Variants in KIF26A observed in about 807,000 individuals in gnomAD.
KIF26A encodes kinesin family member 26A.
A neutral mutation model predicts 126.0 loss-of-function variants in KIF26A; 74 were observed. The observed-to-expected ratio is 0.59, with a 90% CI of 0.49 to 0.71. The LOEUF is 0.71. KIF26A is among the 30% of genes least tolerant of loss of function. The probability of loss-of-function intolerance (pLI) is 0.00; values close to 1 mark genes in which losing one functional copy is unlikely to be tolerated. For synonymous variants in KIF26A, 1,445 were observed against 1,232.7 expected (o/e 1.17, Z -3.61); for missense variants, 2,984 against 2,763.3 (o/e 1.08, Z -1.79).
rs1390098939 is a variant in KIF26A, at chr14:104,174,979, C to T, written c.2194-3C>T. The T allele has an allele frequency of 6.5e-7, 1 of 1,530,386 alleles. No homozygotes were observed. The highest frequency in any genetic ancestry group is 2.0e-5 in the Admixed American group (1 of 51,204). The allele number at this position is 1,530,386 out of a possible 1,614,324, so 94.8% of individuals were successfully genotyped here. A position where few individuals can be genotyped will look rare whatever the true frequency, so the allele number is the denominator to read the frequency against. On this transcript the variant is annotated splice_region_variant and splice_polypyrimidine_tract_variant and intron_variant, in intron 11 of 14. Coordinates refer to ENST00000423312, the MANE Select transcript of KIF26A (RefSeq NM_015656.2). ...CTCGGCAGCTCCACTTTTCTTCCCCCAGTACGCCTCCAGCTCCTCTGGCGG... is the reference window on the plus strand; with the variant it reads ...CTCGGCAGCTCCACTTTTCTTCCCCTAGTACGCCTCCAGCTCCTCTGGCGG...
chr14:104,141,585 G>A (rs1198523590), intron 2 of KIF26A, among the ~76,000 whole-genome samples: 2 of 149,258 alleles, frequency 1.3e-5, no homozygotes, highest in African/African-American at 5.1e-5. Context: ...AGAGGGAGGC[G>A]TAGAGGGTCG....
At chr14:104,162,391 G>A (rs1387237107) in intron 4 of KIF26A, among the ~76,000 whole-genome samples, 3 of 152,204 alleles carry the variant, frequency 2.0e-5, no homozygotes, top group Non-Finnish European at 4.4e-5. Flanking sequence ...CTGTGGCCCA[G>A]GCATACCTGA....
In KIF26A at chr14:104,166,864, T is replaced by G. The variant is rs1318032476; in HGVS notation, c.929T>G (p.Met310Arg). 1 of 1,573,530 alleles carries G rather than the reference T, an allele frequency of 6.4e-7. No individual in the cohort carries two copies. The highest frequency in any genetic ancestry group is 8.6e-7 in the Non-Finnish European group (1 of 1,160,910). ...SAAASFFIRA[M>R]QKLSLASKRK... The stretch of plus-strand genomic sequence containing the variant: ...CCTCTGCCTCTCCTCCCCAGGGCTA[T>G]GCAGAAGCTCAGCCTGGCCTCCAAG... The change falls in exon 5 of 15, where the codon ATG (methionine) becomes AGG (arginine). Residue 310 changes from methionine (M) to arginine (R), a missense_variant. Coordinates refer to ENST00000423312, the MANE Select transcript of KIF26A (RefSeq NM_015656.2).
rs768339996 is a variant in KIF26A at position 104,177,356 on chromosome 14, C to T, written c.4568C>T (p.Thr1523Met). ...GTGAAGCTGTCTACGGCCTCTGTGA[C>T]GGGCAGGAGCCCTGGCGGCCCTGTG... ...PSVKLSTASVTGRSPGGPVAG... is the reference protein window; with the variant it reads ...PSVKLSTASVMGRSPGGPVAG... Residue 1523 changes from threonine to methionine, a missense_variant, in exon 12 of 15, where the codon ACG becomes ATG. By Grantham distance (81) the Thr-to-Met change is moderately conservative (BLOSUM62 -1). Transcript: ENST00000423312. The T allele has an allele frequency of 4.7e-5, 70 of 1,490,120 alleles. No homozygotes were observed. In the Middle Eastern group the frequency reaches 5.3e-4, roughly 11 times the overall value. 92.3% of individuals were successfully genotyped at this position (1,490,120 alleles called of 1,614,324 possible). A position where few individuals can be genotyped will look rare whatever the true frequency, so the allele number is the denominator to read the frequency against.
intron 2 of KIF26A, among the ~76,000 whole-genome samples, chr14:104,141,440 G>A (rs921171767): frequency 2.6e-5 from 4 of 152,252 alleles, no homozygotes; most frequent in Admixed American, 6.5e-5. Context: ...GCCCAGAGAA[G>A]TGGAGAGACT....
intron 2 of KIF26A, among the ~76,000 whole-genome samples, chr14:104,141,032 C>T (rs1450271929): frequency 1.3e-5 from 2 of 152,206 alleles, no homozygotes; most frequent in African/African-American, 4.8e-5. Flanking sequence ...TGGGGGGCTG[C>T]ACCTGCCATC....
intron 2 of KIF26A, among the ~76,000 whole-genome samples, chr14:104,146,574 C>T (rs1207601212): frequency 6.6e-6 from 1 of 152,068 alleles, no homozygotes; most frequent in Non-Finnish European, 1.5e-5. Flanking sequence ...GCTGCTGCCC[C>T]ACGTGGTGGG....
At chr14:104,154,702 G>A (rs576311039) in intron 3 of KIF26A, among the ~76,000 whole-genome samples, 3 of 152,246 alleles carry the variant, frequency 2.0e-5, no homozygotes, top group South Asian at 2.1e-4. Context: ...GCTGCGAACC[G>A]TGGCCCATTT....
Position 104,173,001 on chromosome 14 carries a change from A to G in KIF26A, c.1445A>G (p.Lys482Arg). The G allele has an allele frequency of 6.2e-7, 1 of 1,601,356 alleles. No homozygotes were observed. Among genetic ancestry groups the G allele is most frequent in the Non-Finnish European group, 8.5e-7 (1 of 1,173,380 alleles). Residue 482 changes from lysine (K) to arginine (R), a missense_variant, in exon 8 of 15, where the codon AAG (lysine) becomes AGG (arginine). Coordinates refer to ENST00000423312, the MANE Select transcript of KIF26A (RefSeq NM_015656.2). ...GGCAAGTCGTACACCATGATCGGGAAGGACAGCTCACCCCAGAGCCTGGGC... is the reference window on the plus strand; with the variant it reads ...GGCAAGTCGTACACCATGATCGGGAGGGACAGCTCACCCCAGAGCCTGGGC... ...SLGKSYTMIG[K>R]DSSPQSLGIV... is the part of the protein sequence containing the mutation.
Position 104,171,834 on chromosome 14 carries a change from G to A in KIF26A, c.1225G>A (p.Ala409Thr). Residue 409 changes from alanine to threonine, a missense_variant, in exon 6 of 15, where the codon GCC becomes ACC. Transcript: ENST00000423312. ...RKKQVILYDP[A>T]AGPPGSAGPR... Reference sequence around the variant, plus strand: ...GAAGCAGGTGATCCTCTACGATCCCGCCGCCGGTCCCCCAGGCAGCGCAGG... The same window carrying A: ...GAAGCAGGTGATCCTCTACGATCCCACCGCCGGTCCCCCAGGCAGCGCAGG... The A allele has an allele frequency of 1.3e-6, 2 of 1,557,234 alleles. No homozygotes were observed. The highest frequency in any genetic ancestry group is 1.7e-6 in the Non-Finnish European group (2 of 1,151,646).
At chr14:104,165,801 ATGTGTGTCTG>A (rs1467437688) in intron 4 of KIF26A, among the ~76,000 whole-genome samples, 1 of 138,394 alleles carries the variant, frequency 7.2e-6, no homozygotes, top group Admixed American at 7.2e-5. Context: ...CTGTGTGCAT[ATGTGTGTCTG>A]TGTGTTTCTG....
chr14:104,180,147 G>C lies in KIF26A; in HGVS notation c.*357G>C, dbSNP rs1043511276. The C allele has an allele frequency of 9.2e-6, 2 of 218,120 alleles. No homozygotes were observed. Among genetic ancestry groups the C allele is most frequent in the African/African-American group, 4.6e-5 (2 of 43,548 alleles). 13.5% of individuals were successfully genotyped at this position (218,120 alleles called of 1,614,324 possible). On this transcript the variant is annotated 3_prime_UTR_variant, in exon 15 of 15. Coordinates refer to ENST00000423312, the MANE Select transcript of KIF26A (RefSeq NM_015656.2). Reference sequence around the variant, plus strand: ...CCGGGCCGGGGCTGGCGCCGGTTGTGTTTGTGTCCACCTTGCCTTCTTTGC... The same window carrying C: ...CCGGGCCGGGGCTGGCGCCGGTTGTCTTTGTGTCCACCTTGCCTTCTTTGC...
chr14:104,171,410 C>A lies in KIF26A; in HGVS notation c.1114-313C>A, dbSNP rs377101478. Among the ~76,000 whole-genome samples, 345 of 152,170 alleles carry A rather than the reference C, an allele frequency of 2.3e-3. 2 individuals carry two copies. The highest frequency in any genetic ancestry group is 8.1e-3 in the African/African-American group (335 of 41,430). On this transcript the variant is annotated intron_variant, in intron 5 of 14. Transcript: ENST00000423312. ...CCTGGACTGAGCTGCTCTGCAGGAC[C>A]TGAGCGGCTGTCCTCTTCTCACGGA...
In KIF26A at chr14:104,179,640, G is replaced by A. The variant is rs373917958; in HGVS notation, c.5499G>A (p.Ser1833=). ...TGGACCCGGAGCTGGAGCCCGAGTC[G>A]GCCGAGTACCTGGCGGCCCTGGAGC... ...FEVDPELEPE[S]AEYLAALERA... Residue 1833 remains serine (S), a synonymous_variant, in exon 15 of 15, where the codon TCG becomes TCA. Coordinates refer to ENST00000423312, the MANE Select transcript of KIF26A (RefSeq NM_015656.2). 1.2e-4 allele frequency: 184 copies of A among 1,542,598 alleles called. 1 individual carries two copies. Among genetic ancestry groups the A allele is most frequent in the Middle Eastern group, 7.2e-4 (4 of 5,554 alleles).
intron 5 of KIF26A, among the ~76,000 whole-genome samples, chr14:104,169,570 T>G (rs2037938471): frequency 6.6e-6 from 1 of 152,190 alleles, no homozygotes; most frequent in Non-Finnish European, 1.5e-5. Context: ...CGGGTGTTAT[T>G]AGCACTAATG....
chr14:104,145,967 G>A (rs978508631), intron 2 of KIF26A, among the ~76,000 whole-genome samples: 1 of 152,226 alleles, frequency 6.6e-6, no homozygotes, highest in African/African-American at 2.4e-5. Context: ...TTTCTCCTGA[G>A]GGTGGGACTG....
At chr14:104,173,291 G>C in intron 8 of KIF26A, 39 bp from the exon 9 acceptor site, 2 of 1,601,372 alleles carry the variant, frequency 1.2e-6, no homozygotes, top group Non-Finnish European at 1.7e-6. Flanking sequence ...ACTTGGCCCT[G>C]AGCCACTGAA....
Position 104,175,870 on chromosome 14 carries a change from G to C in KIF26A, c.3082G>C (p.Gly1028Arg), listed in dbSNP as rs999916744. Residue 1028 changes from glycine to arginine, a missense_variant, in exon 12 of 15, where the codon GGC becomes CGC. Coordinates refer to ENST00000423312, the MANE Select transcript of KIF26A (RefSeq NM_015656.2). ...CCTGCAGCGGCCAGTGGAGCTCAAC[G>C]GCGAGGACGAGCTGGTGTTCACGGT... ...VTLQRPVELN[G>R]EDELVFTVVE... The C allele has an allele frequency of 6.5e-7, 1 of 1,539,886 alleles. No individual in the cohort carries two copies.
intron 4 of KIF26A, among the ~76,000 whole-genome samples, chr14:104,166,600 C>T (rs2037905427): frequency 6.6e-6 from 1 of 152,160 alleles, no homozygotes; most frequent in Non-Finnish European, 1.5e-5. Context: ...GGGCGCTCAG[C>T]CTGTGTGGGT....
Sources: allele counts gnomAD v4.1 joint callset (sites outside exome capture counted in the v4.1 genomes callset), GRCh38; gene constraint gnomAD v4.1.1; transcripts MANE v1.5; gene names NCBI Gene and HGNC (gene_info 2026-07-23, HGNC 2026-07-21).